Variants in VIT observed in about 807,000 individuals in gnomAD.
VIT encodes the protein vitrin.
Under a neutral mutation model 78.0 loss-of-function variants are expected in VIT, and 99 were observed. That is an observed-to-expected ratio of 1.27 (90% CI 1.08 to 1.50). The LOEUF (loss-of-function observed/expected upper bound fraction) is 1.50, where lower values mean the gene tolerates loss of function less well. Among genes scored for constraint, VIT ranks in the 40% most tolerant of loss-of-function variants. VIT has a pLI of 0.00. For synonymous variants in VIT, 374 were observed against 334.3 expected (o/e 1.12, Z -1.29); for missense variants, 1,126 against 875.3 (o/e 1.29, Z -3.61).
chr2:36,796,504 G>C (rs1381371525), intron 12 of VIT, among the ~76,000 whole-genome samples: 2 of 152,092 alleles, frequency 1.3e-5, no homozygotes, highest in South Asian at 2.1e-4. Context: ...AAGAGACAGG[G>C]AATCGACAAT....
chr2:36,809,629 G>A (rs1001994985), intron 15 of VIT, among the ~76,000 whole-genome samples: 3 of 152,156 alleles, frequency 2.0e-5, no homozygotes, highest in Non-Finnish European at 4.4e-5. Context: ...TGTTGGTCAC[G>A]ATGGTCTCGA....
intron 3 of VIT, among the ~76,000 whole-genome samples, chr2:36,741,225 GC>G (rs1262808972): frequency 3.9e-5 from 6 of 152,100 alleles, no homozygotes; most frequent in African/African-American, 9.7e-5. Flanking sequence ...CCCAAAATAT[GC>G]CTTTAAAAAA....
chr2:36,707,546 C>T (rs191616800), intron 1 of VIT, among the ~76,000 whole-genome samples: 234 of 152,308 alleles, frequency 1.5e-3, no homozygotes, highest in Middle Eastern at 3.4e-3. Context: ...TGCCAGCAAG[C>T]GGGGATGTTT....
intron 6 of VIT, among the ~76,000 whole-genome samples, chr2:36,763,175 C>A (rs564934670): frequency 6.6e-6 from 1 of 152,300 alleles, no homozygotes; most frequent in East Asian, 1.9e-4. Context: ...TTCCACGGCC[C>A]ACCCTGGGTC....
In VIT at chr2:36,814,388, G is replaced by C; in HGVS notation, c.*27G>C. The stretch of plus-strand genomic sequence containing the variant: ...TTCAGAGCAGGCAGAGCACCAGCAA[G>C]TGCTGCTTTACTAACTGACGTGTTG... On this transcript the variant is annotated 3_prime_UTR_variant, in exon 16 of 16. Transcript: ENST00000379242. The C allele has an allele frequency of 6.2e-7, 1 of 1,611,912 alleles. No homozygotes were observed. The highest frequency in any genetic ancestry group is 8.5e-7 in the Non-Finnish European group (1 of 1,178,750).
At chr2:36,737,154 A>G (rs1032563437) in intron 3 of VIT, among the ~76,000 whole-genome samples, 1 of 152,142 alleles carries the variant, frequency 6.6e-6, no homozygotes, top group Non-Finnish European at 1.5e-5. Context: ...TCAAGATAAG[A>G]CCTGAAAAAT....
intron 1 of VIT, among the ~76,000 whole-genome samples, chr2:36,705,437 G>T (rs1372991383): frequency 6.6e-6 from 1 of 152,138 alleles, no homozygotes; most frequent in Non-Finnish European, 1.5e-5. Context: ...TGTGGATGTG[G>T]TAAGCATTAC....
chr2:36,772,285 C>T (rs1347015341), intron 7 of VIT, among the ~76,000 whole-genome samples: 1 of 151,936 alleles, frequency 6.6e-6, no homozygotes, highest in African/African-American at 2.4e-5. Context: ...GCCTGTAATC[C>T]CAACACTTCG....
intron 6 of VIT, among the ~76,000 whole-genome samples, chr2:36,762,704 G>T (rs1193022559): frequency 6.6e-6 from 1 of 152,116 alleles, no homozygotes; most frequent in African/African-American, 2.4e-5. Flanking sequence ...TCAGGTCTCC[G>T]CATGACCCTA....
rs755054877 is a variant in VIT, at chr2:36,808,885, C to T, written c.1803C>T (p.Phe601=). 1 of 1,614,140 alleles carries T rather than the reference C, an allele frequency of 6.2e-7. No homozygotes were observed. The highest frequency in any genetic ancestry group is 8.5e-7 in the Non-Finnish European group (1 of 1,180,026). ...AAINFALEQL[F]KKSKPNKRKL... ...TCAACTTCGCCCTGGAGCAGCTCTT[C>T]AAGAAGTCCAAGCCCAACAAGAGGA... is the stretch of plus-strand genomic sequence containing the variant. Residue 601 remains phenylalanine (F), a synonymous_variant, in exon 15 of 16, where the codon TTC becomes TTT. Coordinates refer to ENST00000379242, the MANE Select transcript of VIT (RefSeq NM_053276.4).
chr2:36,708,484 G>T (rs1221974706), intron 1 of VIT, among the ~76,000 whole-genome samples: 1 of 152,014 alleles, frequency 6.6e-6, no homozygotes, highest in Admixed American at 6.6e-5. Context: ...GCCTCTAGGG[G>T]GCTTATTAAA....
At chr2:36,699,646 A>G in intron 1 of VIT, among the ~76,000 whole-genome samples, 1 of 151,548 alleles carries the variant, frequency 6.6e-6, no homozygotes, top group Admixed American at 6.6e-5. Context: ...AGATAGATAG[A>G]TAGATAGATA....
chr2:36,776,858 G>GGAGGGCAGATCAC (rs1457836557), intron 9 of VIT, among the ~76,000 whole-genome samples: 2 of 151,948 alleles, frequency 1.3e-5, no homozygotes, highest in African/African-American at 2.4e-5. Context: ...GGGAGGCCAA[G>GGAGGGCAGATCAC]GAGGGCAGAT....
At chr2:36,741,835 A>G (rs774773404) in intron 3 of VIT, among the ~76,000 whole-genome samples, 1 of 152,170 alleles carries the variant, frequency 6.6e-6, no homozygotes, top group Non-Finnish European at 1.5e-5. Flanking sequence ...TCCTTCACGG[A>G]CAATTTCAGT....
intron 3 of VIT, among the ~76,000 whole-genome samples, chr2:36,741,349 C>T (rs1050438307): frequency 3.3e-5 from 5 of 152,074 alleles, no homozygotes; most frequent in Non-Finnish European, 5.9e-5. Context: ...AGAATGAAAC[C>T]ACAAAACTGT....
chr2:36,773,734 A>AATTAATT, intron 7 of VIT, 57 bp from the exon 8 acceptor site: 3 of 1,378,910 alleles, frequency 2.2e-6, no homozygotes, highest in African/African-American at 1.5e-5. Flanking sequence ...AAAAATAAAT[A>AATTAATT]AATTAATTAA....
chr2:36,720,740 G>A (rs999109679), intron 2 of VIT, among the ~76,000 whole-genome samples: 7 of 152,182 alleles, frequency 4.6e-5, no homozygotes, highest in African/African-American at 1.7e-4. Flanking sequence ...CAGAAGTAGT[G>A]GCTCATGCCT....
intron 2 of VIT, among the ~76,000 whole-genome samples, chr2:36,717,019 G>C (rs1360014281): frequency 6.6e-6 from 1 of 151,336 alleles, no homozygotes; most frequent in Non-Finnish European, 1.5e-5. Flanking sequence ...TGGGATTACA[G>C]GTGCACGCCA....
intron 5 of VIT, among the ~76,000 whole-genome samples, chr2:36,756,570 C>T (rs1668780340): frequency 6.6e-6 from 1 of 152,188 alleles, no homozygotes. Context: ...ACAAACAGAC[C>T]TTTTACTATT....
Sources: allele counts gnomAD v4.1 joint callset (sites outside exome capture counted in the v4.1 genomes callset), GRCh38; gene constraint gnomAD v4.1.1; transcripts MANE v1.5; gene names NCBI Gene and HGNC (gene_info 2026-07-23, HGNC 2026-07-21).